BICC1: variants seen among roughly 807,000 people sequenced by gnomAD.
BICC1 encodes protein bicaudal C homolog 1.
BICC1 carries 43 observed loss-of-function variants against 111.0 expected under a neutral mutation model. That is an observed-to-expected ratio of 0.39 (90% CI 0.30 to 0.50). The LOEUF (loss-of-function observed/expected upper bound fraction) is 0.50, where lower values mean the gene tolerates loss of function less well. BICC1 is among the 20% of genes least tolerant of loss of function. The probability of loss-of-function intolerance (pLI) is 0.88; values close to 1 mark genes in which losing one functional copy is unlikely to be tolerated. For synonymous variants in BICC1, 467 were observed against 434.4 expected (o/e 1.07, Z -0.93); for missense variants, 1,091 against 1,203.2 (o/e 0.91, Z 1.38).
At chr10:58,731,923 G>T (rs1198488889) in intron 3 of BICC1, among the ~76,000 whole-genome samples, 1 of 152,208 alleles carries the variant, frequency 6.6e-6, no homozygotes, top group Non-Finnish European at 1.5e-5. Context: ...ATGAGATTTT[G>T]TGGGAACACA....
chr10:58,696,268 T>C lies in BICC1; in HGVS notation c.238-5806T>C, dbSNP rs78593565. On this transcript the variant is annotated intron_variant, in intron 2 of 20. Coordinates refer to ENST00000373886, the MANE Select transcript of BICC1 (RefSeq NM_001080512.3). ...GATAACTATTTAACTTCCAAAGCTGTTACATATCTATAGCATGCTATCTTC... is the reference window on the plus strand; with the variant it reads ...GATAACTATTTAACTTCCAAAGCTGCTACATATCTATAGCATGCTATCTTC... Among the ~76,000 whole-genome samples the C allele has an allele frequency of 4.1e-3, 631 of 152,268 alleles. 13 individuals are homozygous for C. Among genetic ancestry groups the C allele is most frequent in the African/African-American group, 0.014 (600 of 41,558 alleles).
At chr10:58,738,339 A>C (rs1841542453) in intron 3 of BICC1, among the ~76,000 whole-genome samples, 1 of 1,816 alleles carries the variant, frequency 5.5e-4, no homozygotes, top group African/African-American at 6.5e-4. Context: ...CATTTATTAA[A>C]TAGGGAACCT....
rs573638322 is a variant in BICC1 at position 58,632,756 on chromosome 10, A to G, written c.237+11855A>G. 3.9e-5 allele frequency among the ~76,000 whole-genome samples: 6 copies of G among 152,284 alleles called. No homozygotes were observed. The South Asian group carries it at 1.0e-3, about 26-fold the overall frequency. Reference sequence around the variant, plus strand: ...ATAGGCATTTCCAGCAGAAAGAACCAACTGATTGCCTTTGCAAAGGCAGAA... The same window carrying G: ...ATAGGCATTTCCAGCAGAAAGAACCGACTGATTGCCTTTGCAAAGGCAGAA... On this transcript the variant is annotated intron_variant, in intron 2 of 20. Transcript: ENST00000373886.
chr10:58,626,454 A>G (rs1204216833), intron 2 of BICC1, among the ~76,000 whole-genome samples: 3 of 152,230 alleles, frequency 2.0e-5, no homozygotes, highest in Non-Finnish European at 4.4e-5. Flanking sequence ...CTAGAAAGTT[A>G]CTAAAGATGA....
At chr10:58,775,592 T>C (rs1382391943) in intron 3 of BICC1, among the ~76,000 whole-genome samples, 1 of 152,186 alleles carries the variant, frequency 6.6e-6, no homozygotes, top group Non-Finnish European at 1.5e-5. Flanking sequence ...GATATAAATC[T>C]CTTAGGACTG....
chr10:58,796,509 T>C lies in BICC1; in HGVS notation c.1349T>C (p.Leu450Pro). ...CTGGATATCTTAGCTTCAGCAGGCC[T>C]TGGACTCACTGGACTAGGTATACAA... The part of the protein sequence containing the change: ...PSLDILASAG[L>P]GLTGLGLLGP... Residue 450 changes from leucine (L) to proline (P), a missense_variant, in exon 10 of 21, where the codon CTT becomes CCT. Physicochemically the swap from Leu to Pro is moderately conservative, Grantham distance 98. This residue lies in a region of BICC1 where 843 missense variants were observed against 900.8 expected (regional missense o/e 0.94). Coordinates refer to ENST00000373886, the MANE Select transcript of BICC1 (RefSeq NM_001080512.3). 1 of 1,613,704 alleles carries C rather than the reference T, an allele frequency of 6.2e-7. No homozygotes were observed. The highest frequency in any genetic ancestry group is 8.5e-7 in the Non-Finnish European group (1 of 1,179,838).
At chr10:58,593,097 G>C (rs1445514763) in intron 1 of BICC1, among the ~76,000 whole-genome samples, 3 of 151,886 alleles carry the variant, frequency 2.0e-5, no homozygotes, top group Admixed American at 2.0e-4. Context: ...TGAGTAGACT[G>C]TTTTACACTC....
At chr10:58,735,973 A>G (rs924103845) in intron 3 of BICC1, among the ~76,000 whole-genome samples, 1 of 152,080 alleles carries the variant, frequency 6.6e-6, no homozygotes, top group African/African-American at 2.4e-5. Context: ...CTTGAGCCCC[A>G]TTTCCCTTTC....
rs1844547162 is a variant in BICC1 at position 58,831,429 on chromosome 10, C to T, written c.*2538C>T. 1 of 149,584 alleles carries T rather than the reference C, an allele frequency of 6.7e-6. No individual in the cohort carries two copies. Among genetic ancestry groups the T allele is most frequent in the Non-Finnish European group, 1.5e-5 (1 of 67,704 alleles). 9.3% of individuals were successfully genotyped at this position (149,584 alleles called of 1,614,324 possible). On this transcript the variant is annotated 3_prime_UTR_variant, in exon 21 of 21. Coordinates refer to ENST00000373886, the MANE Select transcript of BICC1 (RefSeq NM_001080512.3). The stretch of plus-strand genomic sequence containing the variant: ...ATTTATATAACCCCTTTGTATTGCT[C>T]TTGCTATATGAAGCGTGTCTTTTTT...
intron 3 of BICC1, among the ~76,000 whole-genome samples, chr10:58,706,172 A>G (rs556370353): frequency 2.5e-4 from 38 of 152,310 alleles, no homozygotes; most frequent in African/African-American, 8.9e-4. Context: ...GTTTAATACC[A>G]TACACCCTTA....
intron 1 of BICC1, among the ~76,000 whole-genome samples, chr10:58,616,646 C>T (rs776085376): frequency 2.0e-5 from 3 of 152,194 alleles, no homozygotes; most frequent in Non-Finnish European, 4.4e-5. Flanking sequence ...GCACAGATAA[C>T]GTTTTGGGCA....
At chr10:58,549,685 T>G (rs943645170) in intron 1 of BICC1, among the ~76,000 whole-genome samples, 5 of 150,326 alleles carry the variant, frequency 3.3e-5, no homozygotes, top group Non-Finnish European at 5.9e-5. Context: ...GTTTGTTTGT[T>G]TTTTTCTTTT....
At chr10:58,580,707 T>A (rs1844257358) in intron 1 of BICC1, among the ~76,000 whole-genome samples, 1 of 152,188 alleles carries the variant, frequency 6.6e-6, no homozygotes, top group South Asian at 2.1e-4. Flanking sequence ...GATATTATGC[T>A]ATGGAGTTTT....
At chr10:58,529,738 G>C (rs1195892203) in intron 1 of BICC1, among the ~76,000 whole-genome samples, 5 of 151,418 alleles carry the variant, frequency 3.3e-5, no homozygotes, top group Admixed American at 3.3e-4. Context: ...TTTTCTTCAG[G>C]GATCTATAAT....
intron 3 of BICC1, among the ~76,000 whole-genome samples, chr10:58,740,014 A>G (rs1000707634): frequency 1.3e-5 from 2 of 152,138 alleles, no homozygotes; most frequent in Non-Finnish European, 2.9e-5. Flanking sequence ...GATTGTCTGT[A>G]TTTGAGTCCT....
At chr10:58,530,583 T>G (rs1466126721) in intron 1 of BICC1, among the ~76,000 whole-genome samples, 1 of 151,184 alleles carries the variant, frequency 6.6e-6, no homozygotes, top group Non-Finnish European at 1.5e-5. Flanking sequence ...GGTTGATACC[T>G]ATGCCGAACT....
intron 2 of BICC1, among the ~76,000 whole-genome samples, chr10:58,652,380 G>A (rs1270739598): frequency 1.3e-5 from 2 of 151,984 alleles, no homozygotes; most frequent in African/African-American, 4.8e-5. Flanking sequence ...CAGTGTCTGG[G>A]GCTCTAGACA....
chr10:58,526,588 C>T (rs1842549281), intron 1 of BICC1, among the ~76,000 whole-genome samples: 1 of 152,100 alleles, frequency 6.6e-6, no homozygotes, highest in African/African-American at 2.4e-5. Context: ...CTCCCCCCAC[C>T]CCACGACAGG....
intron 1 of BICC1, among the ~76,000 whole-genome samples, chr10:58,578,387 T>C (rs981939923): frequency 6.6e-6 from 1 of 152,198 alleles, no homozygotes; most frequent in Non-Finnish European, 1.5e-5. Flanking sequence ...TTTTCCAACG[T>C]CGGGCCCACA....
Sources: gnomAD v4.1 joint callset for allele counts (sites outside exome capture counted in the v4.1 genomes callset) on GRCh38, gnomAD v4.1.1 for gene constraint, gnomAD v4.1.1 regional missense constraint, MANE v1.5 for transcripts, NCBI Gene and HGNC (gene_info 2026-07-23, HGNC 2026-07-21) for gene names.